LDLRAD3: variants seen among roughly 807,000 people sequenced by gnomAD.
The protein encoded by LDLRAD3 is low density lipoprotein receptor class A domain containing 3.
Under a neutral mutation model 29.4 loss-of-function variants are expected in LDLRAD3, and 20 were observed. The ratio of observed to expected loss-of-function variants is 0.68; its 90% CI spans 0.48 to 0.99. The LOEUF (loss-of-function observed/expected upper bound fraction) is 0.99. Among genes scored for constraint, LDLRAD3 ranks in the 50% least tolerant of loss-of-function variants. The pLI, the probability that LDLRAD3 is intolerant of heterozygous loss-of-function variation, is 0.00. For synonymous variants in LDLRAD3, 157 were observed against 192.7 expected (o/e 0.81, Z 1.53); for missense variants, 420 against 454.3 (o/e 0.92, Z 0.69).
chr11:36,127,363 T>A (rs1424922327), intron 4 of LDLRAD3, among the ~76,000 whole-genome samples: 1 of 152,244 alleles, frequency 6.6e-6, no homozygotes, highest in Non-Finnish European at 1.5e-5. Flanking sequence ...TGTTTTTCAC[T>A]TATATATTTG....
At chr11:36,177,042 G>A (rs1854689497) in intron 4 of LDLRAD3, among the ~76,000 whole-genome samples, 1 of 151,694 alleles carries the variant, frequency 6.6e-6, no homozygotes, top group Admixed American at 6.6e-5. Flanking sequence ...TGTCAGATTG[G>A]GTTAATTTGA....
chr11:36,182,380 C>T (rs1854778012), intron 4 of LDLRAD3, among the ~76,000 whole-genome samples: 1 of 151,046 alleles, frequency 6.6e-6, no homozygotes, highest in Admixed American at 6.6e-5. Context: ...TCCACCTGCC[C>T]CCGCAAAAAA....
At chr11:36,042,756 A>G (rs1852398143) in intron 2 of LDLRAD3, among the ~76,000 whole-genome samples, 1 of 152,214 alleles carries the variant, frequency 6.6e-6, no homozygotes, top group Admixed American at 6.5e-5. Flanking sequence ...GGAAGCAGAA[A>G]TATGTACAGA....
chr11:36,101,604 G>C (rs974965250), intron 4 of LDLRAD3, among the ~76,000 whole-genome samples: 1 of 152,176 alleles, frequency 6.6e-6, no homozygotes. Flanking sequence ...AGTTCCCTTA[G>C]CTGTCTGCAA....
At chr11:36,113,056 A>T (rs1853627146) in intron 4 of LDLRAD3, among the ~76,000 whole-genome samples, 2 of 152,190 alleles carry the variant, frequency 1.3e-5, no homozygotes. Flanking sequence ...GACAGGGAAA[A>T]GGTTCAGAAA....
intron 4 of LDLRAD3, among the ~76,000 whole-genome samples, chr11:36,208,034 G>A (rs7943228): frequency 0.54 from 81,894 of 151,966 alleles, 22,587 homozygotes; most frequent in African/African-American, 0.64. Flanking sequence ...CACACTCACT[G>A]TGCAGCTATT....
At chr11:36,082,985 C>T (rs775004540) in intron 3 of LDLRAD3, among the ~76,000 whole-genome samples, 10 of 152,078 alleles carry the variant, frequency 6.6e-5, no homozygotes, top group Non-Finnish European at 1.3e-4. Context: ...CAAACTTACA[C>T]GTTTATTTTC....
chr11:36,103,383 G>A (rs563184903), intron 4 of LDLRAD3, among the ~76,000 whole-genome samples: 19 of 151,832 alleles, frequency 1.3e-4, no homozygotes, highest in Non-Finnish European at 2.6e-4. Context: ...GACTACAGGC[G>A]CCCACCACCA....
Position 36,029,395 on chromosome 11 carries a change from A to G in LDLRAD3, c.47-6708A>G, listed in dbSNP as rs185841281. Reference sequence around the variant, plus strand: ...AGGGAGCAGGAGGAGGGATGGGACAAGGGTGGCGCCAGGACTCAGTGCTCA... The same window carrying G: ...AGGGAGCAGGAGGAGGGATGGGACAGGGGTGGCGCCAGGACTCAGTGCTCA... On this transcript the variant is annotated intron_variant, in intron 1 of 5. Coordinates refer to ENST00000315571, the MANE Select transcript of LDLRAD3 (RefSeq NM_174902.4). Among the ~76,000 whole-genome samples, 183 of 115,934 alleles carry G rather than the reference A, an allele frequency of 1.6e-3. 1 individual carries two copies. Among genetic ancestry groups the G allele is most frequent in the African/African-American group, 4.8e-3 (180 of 37,832 alleles). 76.1% of individuals were successfully genotyped at this position (115,934 alleles called of 152,430 possible). A position where few individuals can be genotyped will look rare whatever the true frequency, so the allele number is the denominator to read the frequency against.
chr11:36,186,752 TCTC>T (rs1441005289), intron 4 of LDLRAD3, among the ~76,000 whole-genome samples: 1 of 152,156 alleles, frequency 6.6e-6, no homozygotes, highest in Non-Finnish European at 1.5e-5. Flanking sequence ...AGTGAGCTCA[TCTC>T]CTACAGATTC....
intron 2 of LDLRAD3, among the ~76,000 whole-genome samples, chr11:36,062,992 G>A (rs1009703887): frequency 6.6e-6 from 1 of 152,200 alleles, no homozygotes; most frequent in Non-Finnish European, 1.5e-5. Flanking sequence ...GCAAGGAAAC[G>A]ATTATGATGA....
chr11:35,988,096 C>T (rs1201309898), intron 1 of LDLRAD3, among the ~76,000 whole-genome samples: 1 of 152,162 alleles, frequency 6.6e-6, no homozygotes, highest in Non-Finnish European at 1.5e-5. Flanking sequence ...CTCACTCTGT[C>T]ACCCAGGCTG....
At chr11:35,951,681 T>C (rs1245555847) in intron 1 of LDLRAD3, among the ~76,000 whole-genome samples, 1 of 152,256 alleles carries the variant, frequency 6.6e-6, no homozygotes, top group Non-Finnish European at 1.5e-5. Context: ...GCTGTTTCCC[T>C]GCCTCTTTGT....
At chr11:35,957,574 A>G (rs950012624) in intron 1 of LDLRAD3, among the ~76,000 whole-genome samples, 13 of 152,132 alleles carry the variant, frequency 8.5e-5, no homozygotes, top group African/African-American at 2.4e-4. Flanking sequence ...AGGCAGGTGG[A>G]TCACCTGAGC....
At position 35,944,074 on chromosome 11, in the gene LDLRAD3, G is replaced by T. The variant is rs927944723; in HGVS notation, c.-25G>T. ...AGGCCGCGGGGGCAGCAACGACGCCGGGCAGCGGGAGCGGCGGCCGCGCCA... is the reference window on the plus strand; with the variant it reads ...AGGCCGCGGGGGCAGCAACGACGCCTGGCAGCGGGAGCGGCGGCCGCGCCA... On this transcript the variant is annotated 5_prime_UTR_variant, in exon 1 of 6. Coordinates refer to ENST00000315571, the MANE Select transcript of LDLRAD3 (RefSeq NM_174902.4). The surrounding 1 kb of genome is among the most constrained non-coding windows in gnomAD (Gnocchi z 4.9). The T allele has an allele frequency of 2.8e-6, 3 of 1,076,506 alleles. No individual in the cohort carries two copies. The highest frequency in any genetic ancestry group is 6.1e-5 in the East Asian group (1 of 16,496). 66.7% of individuals were successfully genotyped at this position (1,076,506 alleles called of 1,614,324 possible).
At chr11:36,001,615 G>A (rs961947092) in intron 1 of LDLRAD3, among the ~76,000 whole-genome samples, 2 of 151,920 alleles carry the variant, frequency 1.3e-5, no homozygotes, top group Non-Finnish European at 2.9e-5. Flanking sequence ...CCCTACAATC[G>A]TAAAAAATAA....
chr11:35,966,601 G>A (rs2133142284), intron 1 of LDLRAD3, among the ~76,000 whole-genome samples: 1 of 152,304 alleles, frequency 6.6e-6, no homozygotes, highest in Admixed American at 6.5e-5. Context: ...GAGGGACAGG[G>A]CAAGTAGATG....
chr11:36,069,275 G>A (rs1590240334), intron 2 of LDLRAD3, among the ~76,000 whole-genome samples: 1 of 152,212 alleles, frequency 6.6e-6, no homozygotes, highest in African/African-American at 2.4e-5. Context: ...ATTTCCTGGA[G>A]AATCCAGGCA....
intron 1 of LDLRAD3, among the ~76,000 whole-genome samples, chr11:36,035,116 A>G (rs1852286422): frequency 6.6e-6 from 1 of 152,072 alleles, no homozygotes; most frequent in South Asian, 2.1e-4. Context: ...ATGTCCAGTA[A>G]ATGCTTATGG....
Sources: allele counts gnomAD v4.1 joint callset (sites outside exome capture counted in the v4.1 genomes callset), GRCh38; gene constraint gnomAD v4.1.1; non-coding constraint Gnocchi (gnomAD v3.1); transcripts MANE v1.5; gene names NCBI Gene and HGNC (gene_info 2026-07-23, HGNC 2026-07-21).